The following FHIT variants were observed in gnomAD, a reference collection of about 807,000 sequenced individuals.
FHIT encodes bis(5'-adenosyl)-triphosphatase.
FHIT carries 19 observed loss-of-function variants against 17.9 expected under a neutral mutation model. The ratio of observed to expected loss-of-function variants is 1.06; its 90% CI spans 0.74 to 1.56. FHIT has a LOEUF of 1.56. Ranked by LOEUF, FHIT falls within the 40% of genes most tolerant of loss-of-function variation. The pLI is 0.00. For synonymous variants in FHIT, 81 were observed against 69.7 expected (o/e 1.16, Z -0.81); for missense variants, 248 against 189.2 (o/e 1.31, Z -1.82).
intron 8 of FHIT, among the ~76,000 whole-genome samples, chr3:59,798,794 T>C (rs1345308798): frequency 6.6e-6 from 1 of 152,244 alleles, no homozygotes; most frequent in Non-Finnish European, 1.5e-5. Context: ...CACAGTTGTT[T>C]GACTCTGTGG....
chr3:60,810,766 C>T (rs1701548463), intron 4 of FHIT, among the ~76,000 whole-genome samples: 1 of 152,148 alleles, frequency 6.6e-6, no homozygotes, highest in Non-Finnish European at 1.5e-5. Context: ...TTGTCAGGGG[C>T]AAGGTGGAGC....
intron 8 of FHIT, among the ~76,000 whole-genome samples, chr3:59,850,439 C>T (rs1701889056): frequency 6.6e-6 from 1 of 152,152 alleles, no homozygotes; most frequent in African/African-American, 2.4e-5. Flanking sequence ...AAATGAAACT[C>T]AGACTCAGGG....
At chr3:60,485,155 A>G (rs981302304) in intron 5 of FHIT, among the ~76,000 whole-genome samples, 1 of 152,224 alleles carries the variant, frequency 6.6e-6, no homozygotes, top group African/African-American at 2.4e-5. Flanking sequence ...AAGAAACAAC[A>G]GATGCTGGTG....
At chr3:59,878,601 T>G (rs1350617475) in intron 8 of FHIT, among the ~76,000 whole-genome samples, 1 of 152,144 alleles carries the variant, frequency 6.6e-6, no homozygotes, top group East Asian at 1.9e-4. Flanking sequence ...GCCAGGAGCT[T>G]TCAAAAGTGC....
chr3:61,187,524 A>C (rs1441622772), intron 2 of FHIT, among the ~76,000 whole-genome samples: 3 of 152,236 alleles, frequency 2.0e-5, no homozygotes, highest in African/African-American at 2.4e-5. Context: ...CAGATCAACG[A>C]GACAGAAAGT....
At chr3:60,411,565 C>T (rs1032158412) in intron 5 of FHIT, among the ~76,000 whole-genome samples, 6 of 152,140 alleles carry the variant, frequency 3.9e-5, no homozygotes, top group Middle Eastern at 3.2e-3. Flanking sequence ...ATTGGCTGAT[C>T]TTTCTGGATT....
At chr3:59,817,462 G>A (rs1236539613) in intron 8 of FHIT, among the ~76,000 whole-genome samples, 2 of 151,184 alleles carry the variant, frequency 1.3e-5, no homozygotes. Flanking sequence ...CATCAGGGAG[G>A]CTGAGGCAGG....
intron 8 of FHIT, among the ~76,000 whole-genome samples, chr3:59,797,038 G>A (rs1261544816): frequency 6.6e-6 from 1 of 151,952 alleles, no homozygotes; most frequent in Admixed American, 6.6e-5. Context: ...AAACTTCATA[G>A]GTTTCATCAT....
intron 2 of FHIT, among the ~76,000 whole-genome samples, chr3:61,132,871 G>C (rs771602941): frequency 6.6e-6 from 1 of 152,220 alleles, no homozygotes; most frequent in African/African-American, 2.4e-5. Flanking sequence ...AAATGTGGTA[G>C]ATTTGTGTTC....
At position 60,776,061 on chromosome 3, in the gene FHIT, C is replaced by A. The variant is rs114705349; in HGVS notation, c.-18+45858G>T. ...TTCTTTTAGAAGATGTTGTACTAGG[C>A]TAGCCTCCACCCACCCCCAACAACT... On this transcript the variant is annotated intron_variant, in intron 4 of 9. Transcript: ENST00000492590. Among the ~76,000 whole-genome samples the A allele has an allele frequency of 3.5e-3, 534 of 152,216 alleles. 4 individuals are homozygous for A. Among genetic ancestry groups the A allele is most frequent in the African/African-American group, 0.012 (510 of 41,518 alleles).
chr3:60,237,491 A>G (rs566176852), intron 5 of FHIT, among the ~76,000 whole-genome samples: 7 of 152,282 alleles, frequency 4.6e-5, no homozygotes, highest in African/African-American at 1.2e-4. Context: ...AATTATCAGA[A>G]GACAGGGACC....
chr3:60,452,175 C>A (rs1466841505), intron 5 of FHIT, among the ~76,000 whole-genome samples: 1 of 152,316 alleles, frequency 6.6e-6, no homozygotes, highest in Admixed American at 6.5e-5. Flanking sequence ...AATCAATTTA[C>A]AGTGCAACTC....
chr3:59,937,544 C>T (rs889416999), intron 7 of FHIT, among the ~76,000 whole-genome samples: 1 of 152,152 alleles, frequency 6.6e-6, no homozygotes, highest in Admixed American at 6.5e-5. Context: ...CCACGTGCAA[C>T]ATTTTAAAAC....
chr3:61,140,052 G>A (rs1436813290), intron 2 of FHIT, among the ~76,000 whole-genome samples: 1 of 150,856 alleles, frequency 6.6e-6, no homozygotes, highest in Non-Finnish European at 1.5e-5. Flanking sequence ...GAAACAATGA[G>A]AGGCATTAAA....
At chr3:59,780,495 T>C (rs998047953) in intron 8 of FHIT, among the ~76,000 whole-genome samples, 1 of 152,210 alleles carries the variant, frequency 6.6e-6, no homozygotes, top group Non-Finnish European at 1.5e-5. Context: ...TTCTCAGCTT[T>C]AATCCCTGGA....
chr3:60,398,990 G>T (rs1434141226), intron 5 of FHIT, among the ~76,000 whole-genome samples: 1 of 152,096 alleles, frequency 6.6e-6, no homozygotes, highest in Non-Finnish European at 1.5e-5. Context: ...ATATTGAAAA[G>T]CAAGTACTGT....
At chr3:60,574,940 T>A (rs1466799194) in intron 4 of FHIT, among the ~76,000 whole-genome samples, 1 of 151,840 alleles carries the variant, frequency 6.6e-6, no homozygotes, top group African/African-American at 2.4e-5. Context: ...TGCTTGTCTC[T>A]CCAGTTGACT....
intron 5 of FHIT, among the ~76,000 whole-genome samples, chr3:60,362,140 T>C (rs983543556): frequency 6.6e-6 from 1 of 152,162 alleles, no homozygotes; most frequent in African/African-American, 2.4e-5. Context: ...TATATATAGA[T>C]AGTGAAATGG....
intron 4 of FHIT, among the ~76,000 whole-genome samples, chr3:60,789,131 TATAG>T (rs1700684394): frequency 6.9e-6 from 1 of 144,236 alleles, no homozygotes; most frequent in Admixed American, 7.0e-5. Context: ...GATATGTATA[TATAG>T]AGAGAGATGT....
Sources: allele counts gnomAD v4.1 joint callset (sites outside exome capture counted in the v4.1 genomes callset), GRCh38; gene constraint gnomAD v4.1.1; transcripts MANE v1.5; gene names NCBI Gene and HGNC (gene_info 2026-07-23, HGNC 2026-07-21).